Variants in SLC22A11 observed in about 807,000 individuals in gnomAD.
The protein encoded by SLC22A11 is solute carrier family 22 member 11, also known as organic anion transporter 4.
In SLC22A11, 42 loss-of-function variants were observed where a neutral mutation model predicts 49.4. That is an observed-to-expected ratio of 0.85 (90% CI 0.66 to 1.10). SLC22A11 has a LOEUF of 1.10. Ranked by LOEUF, SLC22A11 falls within the 50% of genes least tolerant of loss-of-function variation. The pLI is 0.00. For synonymous variants in SLC22A11, 304 were observed against 315.8 expected (o/e 0.96, Z 0.40); for missense variants, 685 against 731.6 (o/e 0.94, Z 0.74).
At chr11:64,567,890 T>A in intron 7 of SLC22A11, 77 bp downstream of exon 7, 6 of 1,426,290 alleles carry the variant, frequency 4.2e-6, no homozygotes, top group Non-Finnish European at 5.7e-6. Flanking sequence ...TGGGGCCACA[T>A]CCCCTCCCTG....
intron 1 of SLC22A11, among the ~76,000 whole-genome samples, chr11:64,558,074 A>G (rs1296317834): frequency 6.6e-6 from 1 of 152,142 alleles, no homozygotes; most frequent in Non-Finnish European, 1.5e-5. Context: ...CTGGGATTAC[A>G]GGCATGAACC....
At chr11:64,570,951 G>A (rs1187694817) in intron 9 of SLC22A11, 28 bp from the exon 10 acceptor site, 2 of 1,613,544 alleles carry the variant, frequency 1.2e-6, no homozygotes, top group Non-Finnish European at 1.7e-6. Context: ...TTCACCACAT[G>A]GCACTGCTTT....
intron 2 of SLC22A11, 96 bp downstream of exon 2, chr11:64,559,334 C>A: frequency 1.1e-6 from 1 of 931,598 alleles, no homozygotes; most frequent in Non-Finnish European, 1.5e-6. Context: ...AACACCCCAT[C>A]CCTGCTTCCG....
At position 64,562,256 on chromosome 11, in the gene SLC22A11, G is replaced by C. The variant is rs2038558963; in HGVS notation, c.653-11G>C. On this transcript the variant is annotated splice_polypyrimidine_tract_variant and intron_variant, in intron 3 of 9. Transcript: ENST00000301891. This position sits in a 1 kb window ranked among gnomAD's most constrained non-coding sequence, Gnocchi z 4.4. ...CATGAGGCCTCACCTGCACGTGTCT[G>C]CATCCTTCAGTGGTGGAGTGGACCA... 6.2e-7 allele frequency: 1 copy of C among 1,600,496 alleles called. No homozygotes were observed.
chr11:64,567,073 A>C (rs563435872), intron 6 of SLC22A11, among the ~76,000 whole-genome samples: 3 of 151,964 alleles, frequency 2.0e-5, no homozygotes, highest in African/African-American at 7.2e-5. Context: ...CCTCTGCCCC[A>C]TGAACCAGTC....
Position 64,565,192 on chromosome 11 carries a change from C to T in SLC22A11, c.943-30C>T. The T allele has an allele frequency of 1.4e-6, 2 of 1,476,592 alleles. No homozygotes were observed. The highest frequency in any genetic ancestry group is 5.0e-5 in the East Asian group (2 of 40,340). 91.5% of individuals were successfully genotyped at this position (1,476,592 alleles called of 1,614,324 possible). A position where few individuals can be genotyped will look rare whatever the true frequency, so the allele number is the denominator to read the frequency against. ...GGGTGGGGCAGGGCCATTGCCCTAC[C>T]ATTCACGGTGCCCCCATTCTCCCCG... On this transcript the variant is annotated intron_variant, in intron 5 of 9. Coordinates refer to ENST00000301891, the MANE Select transcript of SLC22A11 (RefSeq NM_018484.4). The surrounding 1 kb of genome is among the most constrained non-coding windows in gnomAD (Gnocchi z 4.1).
At position 64,562,115 on chromosome 11, in the gene SLC22A11, C is replaced by T. The variant is rs112427771; in HGVS notation, c.609C>T (p.Ala203=). The part of the protein sequence containing the change: ...FVIYCGLRFV[A]AFGMAGIFLS... ...TCTACTGCGGCCTGCGGTTCGTGGCCGCTTTTGGGATGGCCGGCATCTTTC... is the reference window on the plus strand; with the variant it reads ...TCTACTGCGGCCTGCGGTTCGTGGCTGCTTTTGGGATGGCCGGCATCTTTC... The change falls in exon 3 of 10, where the codon GCC becomes GCT. Residue 203 remains alanine (A), a synonymous_variant. Coordinates refer to ENST00000301891, the MANE Select transcript of SLC22A11 (RefSeq NM_018484.4). The surrounding 1 kb of genome is among the most constrained non-coding windows in gnomAD (Gnocchi z 4.4). The T allele has an allele frequency of 1.3e-4, 207 of 1,613,862 alleles. No homozygotes were observed. The African/African-American group carries it at 1.8e-3, about 14-fold the overall frequency.
In SLC22A11 at chr11:64,564,214, C is replaced by T. The variant is rs1190703325; in HGVS notation, c.822-94C>T. 1 of 1,495,592 alleles carries T rather than the reference C, an allele frequency of 6.7e-7. No homozygotes were observed. The highest frequency in any genetic ancestry group is 1.9e-5 in the Admixed American group (1 of 52,498). The allele number at this position is 1,495,592 out of a possible 1,614,324, so 92.6% of individuals were successfully genotyped here. A position where few individuals can be genotyped will look rare whatever the true frequency, so the allele number is the denominator to read the frequency against. On this transcript the variant is annotated intron_variant, in intron 4 of 9. Transcript: ENST00000301891. This position sits in a 1 kb window ranked among gnomAD's most constrained non-coding sequence, Gnocchi z 4.2. ...AAGCATGTGCTTCCTCATCACTCAT[C>T]TCAGCTGGAGGGTCCGTGCCCACTG...
chr11:64,561,886 G>C, intron 2 of SLC22A11, 118 bp from the exon 3 acceptor site: 1 of 1,236,938 alleles, frequency 8.1e-7, no homozygotes, highest in East Asian at 2.4e-5. Context: ...CAAGAAGGAG[G>C]AGCTGGCTGC....
In SLC22A11 at chr11:64,572,749, TC is replaced by T. The variant is rs1220186229; in HGVS notation, c.*1712del. ...TGGCTCACAATAAGGATCACACTTCTCCCCCTGCCTGGTCAGGCAGCCATGG... is the reference window on the plus strand; with the variant it reads ...TGGCTCACAATAAGGATCACACTTCTCCCCTGCCTGGTCAGGCAGCCATGG... On this transcript the variant is annotated 3_prime_UTR_variant, in exon 10 of 10. Transcript: ENST00000301891. The T allele has an allele frequency of 6.6e-6, 1 of 152,034 alleles. No individual in the cohort carries two copies. The highest frequency in any genetic ancestry group is 1.5e-5 in the Non-Finnish European group (1 of 68,002). 9.4% of individuals were successfully genotyped at this position (152,034 alleles called of 1,614,324 possible). A position where few individuals can be genotyped will look rare whatever the true frequency, so the allele number is the denominator to read the frequency against.
At chr11:64,567,841 C>A (rs1414294691) in intron 7 of SLC22A11, 28 bp downstream of exon 7, 1 of 1,545,804 alleles carries the variant, frequency 6.5e-7, no homozygotes, top group Admixed American at 1.9e-5. Flanking sequence ...GGCGGTGGGA[C>A]CGGGCCCTGC....
chr11:64,572,452 A>T lies in SLC22A11; in HGVS notation c.*1410A>T, dbSNP rs1389573464. On this transcript the variant is annotated 3_prime_UTR_variant, in exon 10 of 10. Coordinates refer to ENST00000301891, the MANE Select transcript of SLC22A11 (RefSeq NM_018484.4). ...GTGGCCCTGCCACAAAGTTACCCTCATGCCCTTCCCTGGAGACCCCACTCT... is the reference window on the plus strand; with the variant it reads ...GTGGCCCTGCCACAAAGTTACCCTCTTGCCCTTCCCTGGAGACCCCACTCT... 1 of 152,366 alleles carries T rather than the reference A, an allele frequency of 6.6e-6. No individual in the cohort carries two copies. The highest frequency in any genetic ancestry group is 2.4e-5 in the African/African-American group (1 of 41,386). The allele number at this position is 152,366 out of a possible 1,614,324, so 9.4% of individuals were successfully genotyped here. A position where few individuals can be genotyped will look rare whatever the true frequency, so the allele number is the denominator to read the frequency against.
Position 64,562,246 on chromosome 11 carries a change from G to GC in SLC22A11, c.653-20dup, listed in dbSNP as rs763065700. ...CAGGCCGCCGCATGAGGCCTCACCTGCACGTGTCTGCATCCTTCAGTGGTG... is the reference window on the plus strand; with the variant it reads ...CAGGCCGCCGCATGAGGCCTCACCTGCCACGTGTCTGCATCCTTCAGTGGTG... On this transcript the variant is annotated intron_variant, in intron 3 of 9. Transcript: ENST00000301891. This position sits in a 1 kb window ranked among gnomAD's most constrained non-coding sequence, Gnocchi z 4.4. 130 of 1,600,254 alleles carry GC rather than the reference G, an allele frequency of 8.1e-5. No individual in the cohort carries two copies. The highest frequency in any genetic ancestry group is 9.3e-5 in the Non-Finnish European group (109 of 1,170,850).
Position 64,556,213 on chromosome 11 carries a change from A to G in SLC22A11, c.214A>G (p.Ile72Val), listed in dbSNP as rs2038453941. The G allele has an allele frequency of 6.2e-7, 1 of 1,614,070 alleles. No homozygotes were observed. The highest frequency in any genetic ancestry group is 8.5e-7 in the Non-Finnish European group (1 of 1,180,000). ...CATGACCCCCAAGGCCCTTCTGACC[A>G]TCTCCATCCCGCCAGGCCCCAACCA... is the stretch of plus-strand genomic sequence containing the variant. ...TNMTPKALLT[I>V]SIPPGPNQGP... is the part of the protein sequence containing the mutation. The change falls in exon 1 of 10, where the codon ATC becomes GTC. Residue 72 changes from isoleucine to valine, a missense_variant. By Grantham distance (29) the Ile-to-Val change is conservative (BLOSUM62 3). Transcript: ENST00000301891.
In SLC22A11 at chr11:64,559,208, G is replaced by T; in HGVS notation, c.467G>T (p.Gly156Val). The T allele has an allele frequency of 6.2e-7, 1 of 1,610,646 alleles. No homozygotes were observed. The highest frequency in any genetic ancestry group is 8.5e-7 in the Non-Finnish European group (1 of 1,177,894). ...QSIFMSGILV[G>V]SFIWGLLSYR... ...ATCTTCATGTCCGGGATCCTGGTGG[G>T]CTCCTTTATCTGGGGCCTCCTCTCC... Residue 156 changes from glycine to valine, a missense_variant, in exon 2 of 10, where the codon GGC becomes GTC. Physicochemically the swap from Gly to Val is moderately radical, Grantham distance 109. Transcript: ENST00000301891.
intron 9 of SLC22A11, 117 bp from the exon 10 acceptor site, chr11:64,570,862 T>C (rs1373692796): frequency 5.4e-6 from 5 of 917,730 alleles, no homozygotes; most frequent in Non-Finnish European, 7.0e-6. Flanking sequence ...CAGAAGGGAG[T>C]AAAAGCCTAA....
Position 64,562,837 on chromosome 11 carries a change from G to A in SLC22A11, c.821+402G>A, listed in dbSNP as rs1056863366. ...AACTTCGGCCACAGTGGAAGCGGCC[G>A]CTCTCCCGGTCCCCAAGGCCCCACT... On this transcript the variant is annotated intron_variant, in intron 4 of 9. Transcript: ENST00000301891. The surrounding 1 kb of genome is among the most constrained non-coding windows in gnomAD (Gnocchi z 4.4). Among the ~76,000 whole-genome samples, 6 of 152,304 alleles carry A rather than the reference G, an allele frequency of 3.9e-5. No individual in the cohort carries two copies. Among genetic ancestry groups the A allele is most frequent in the East Asian group, 3.9e-4 (2 of 5,188 alleles).
intron 9 of SLC22A11, 88 bp downstream of exon 9, chr11:64,569,946 C>G (rs2135427586): frequency 8.5e-7 from 1 of 1,177,304 alleles, no homozygotes; most frequent in South Asian, 1.3e-5. Flanking sequence ...GGCAAAGGCT[C>G]AAGAGTACCA....
rs1033592039 is a variant in SLC22A11, at chr11:64,571,746, A to G, written c.*704A>G. The G allele has an allele frequency of 5.2e-5, 8 of 152,522 alleles. No individual in the cohort carries two copies. Among genetic ancestry groups the G allele is most frequent in the African/African-American group, 1.9e-4 (8 of 41,466 alleles). The allele number at this position is 152,522 out of a possible 1,614,324, so 9.4% of individuals were successfully genotyped here. On this transcript the variant is annotated 3_prime_UTR_variant, in exon 10 of 10. Transcript: ENST00000301891. ...AAGACGGCCAAACACACCACCAAAC[A>G]CCAGACAGAGGAGGCTGGCAGCAGG...
Sources: gnomAD v4.1 joint callset for allele counts (sites outside exome capture counted in the v4.1 genomes callset) on GRCh38, gnomAD v4.1.1 for gene constraint, Gnocchi (gnomAD v3.1) non-coding constraint, MANE v1.5 for transcripts, NCBI Gene and HGNC (gene_info 2026-07-23, HGNC 2026-07-21) for gene names.